CRACDL: variants seen among roughly 807,000 people sequenced by gnomAD.
CRACDL encodes CRACD-like protein.
In CRACDL, 26 loss-of-function variants were observed where a neutral mutation model predicts 70.6. The observed-to-expected ratio is 0.37, with a 90% CI of 0.27 to 0.51. The LOEUF (loss-of-function observed/expected upper bound fraction) is 0.51, where lower values mean the gene tolerates loss of function less well. Among genes scored for constraint, CRACDL ranks in the 20% least tolerant of loss-of-function variants. CRACDL has a pLI of 0.94. For missense variants in CRACDL, 1,283 were observed against 1,376.9 expected (o/e 0.93, Z 1.08); for synonymous variants, 618 against 615.2 (o/e 1.00, Z -0.07).
chr2:98,839,965 G>T (rs1361377746), intron 2 of CRACDL, among the ~76,000 whole-genome samples: 1 of 151,858 alleles, frequency 6.6e-6, no homozygotes, highest in African/African-American at 2.4e-5. Flanking sequence ...AAAAAGTTTT[G>T]CTTTGTTAAT....
At chr2:98,899,315 A>G (rs1708206279) in intron 1 of CRACDL, among the ~76,000 whole-genome samples, 1 of 152,262 alleles carries the variant, frequency 6.6e-6, no homozygotes, top group South Asian at 2.1e-4. Context: ...ACAAGTATGT[A>G]ATAAGCACCC....
intron 1 of CRACDL, among the ~76,000 whole-genome samples, chr2:98,865,217 T>A (rs1375865633): frequency 6.6e-6 from 1 of 152,078 alleles, no homozygotes; most frequent in Non-Finnish European, 1.5e-5. Context: ...TTGTTCCTTC[T>A]GCTTGAACTT....
At chr2:98,884,642 G>A (rs1707755246) in intron 1 of CRACDL, among the ~76,000 whole-genome samples, 2 of 152,198 alleles carry the variant, frequency 1.3e-5, no homozygotes, top group Non-Finnish European at 2.9e-5. Flanking sequence ...AGGTGATTAG[G>A]TAATGAGGGT....
At chr2:98,897,296 C>G (rs1187413839) in intron 1 of CRACDL, 1 of 966,272 alleles carries the variant, frequency 1.0e-6, no homozygotes, top group Non-Finnish European at 1.4e-6. Flanking sequence ...TGGTTTGTTC[C>G]TTTTACCCTT....
At chr2:98,872,320 TGCACTCCA>T (rs1202137308) in intron 1 of CRACDL, among the ~76,000 whole-genome samples, 1 of 152,176 alleles carries the variant, frequency 6.6e-6, no homozygotes, top group Non-Finnish European at 1.5e-5. Context: ...ATCGCACCAC[TGCACTCCA>T]GTCTGGGTGA....
intron 1 of CRACDL, among the ~76,000 whole-genome samples, chr2:98,853,204 C>G (rs1185906845): frequency 6.6e-6 from 1 of 152,136 alleles, no homozygotes; most frequent in Non-Finnish European, 1.5e-5. Flanking sequence ...TGGAACACAG[C>G]ATAGTGTACT....
intron 7 of CRACDL, among the ~76,000 whole-genome samples, chr2:98,809,172 G>A (rs887131143): frequency 6.6e-6 from 1 of 152,142 alleles, no homozygotes; most frequent in Admixed American, 6.5e-5. Context: ...TGTCTGAGTT[G>A]GGGCGGAGAC....
Position 98,832,839 on chromosome 2 carries a change from G to A in CRACDL, c.375+23C>T, listed in dbSNP as rs202140715. ...TGGATATTTGACTTGCACACCAGGCGACATGACCAAGGAAACATTTACCTG... is the reference window on the plus strand; with the variant it reads ...TGGATATTTGACTTGCACACCAGGCAACATGACCAAGGAAACATTTACCTG... On this transcript the variant is annotated intron_variant, in intron 4 of 9. Transcript: ENST00000397899. 872 of 1,612,914 alleles carry A rather than the reference G, an allele frequency of 5.4e-4. 9 individuals are homozygous for A. In the South Asian group the frequency reaches 8.5e-3, roughly 16 times the overall value.
intron 2 of CRACDL, among the ~76,000 whole-genome samples, chr2:98,839,026 C>T (rs1233763686): frequency 6.6e-6 from 1 of 152,198 alleles, no homozygotes; most frequent in African/African-American, 2.4e-5. Context: ...ATTCCTTTCC[C>T]GGAATAGTTA....
chr2:98,862,815 C>T (rs1045688772), intron 1 of CRACDL, among the ~76,000 whole-genome samples: 1 of 151,944 alleles, frequency 6.6e-6, no homozygotes, highest in Admixed American at 6.6e-5. Flanking sequence ...GACCAACATA[C>T]ACATTGTAAG....
At chr2:98,857,965 A>C in intron 1 of CRACDL, among the ~76,000 whole-genome samples, 1 of 152,244 alleles carries the variant, frequency 6.6e-6, no homozygotes, top group East Asian at 1.9e-4. Context: ...TTCATGCAAA[A>C]TATATTCTCT....
At chr2:98,844,502 G>A (rs1448604058) in intron 2 of CRACDL, among the ~76,000 whole-genome samples, 1 of 152,074 alleles carries the variant, frequency 6.6e-6, no homozygotes, top group African/African-American at 2.4e-5. Flanking sequence ...CCATCATATT[G>A]GAGTAGGAGC....
chr2:98,845,793 A>G (rs1706231622), intron 2 of CRACDL, among the ~76,000 whole-genome samples: 2 of 152,118 alleles, frequency 1.3e-5, no homozygotes, highest in African/African-American at 4.8e-5. Context: ...ATTTTTTTTC[A>G]GGGCTCATCT....
Position 98,823,366 on chromosome 2 carries a change from CG to C in CRACDL, c.906del (p.Gly303GlufsTer196). ...CGGGCGCGTCTGGCACGGGCCCCTC[CG>C]GGTGGCGGCAAGGGCGCCGGTGGCC... Reference protein sequence around the residue: ...EPGPPAPLPPPGGARARRARL... With the variant: ...EPGPPAPLPPXGGARARRARL... On this transcript the variant is annotated frameshift_variant, in exon 7 of 10. Coordinates refer to ENST00000397899, the MANE Select transcript of CRACDL (RefSeq NM_207362.3). LOFTEE classifies it high-confidence loss of function. The surrounding 1 kb of genome is among the most constrained non-coding windows in gnomAD (Gnocchi z 4.0). The C allele has an allele frequency of 6.5e-7, 1 of 1,529,340 alleles. No homozygotes were observed. The highest frequency in any genetic ancestry group is 8.7e-7 in the Non-Finnish European group (1 of 1,145,400). 94.7% of individuals were successfully genotyped at this position (1,529,340 alleles called of 1,614,324 possible). A position where few individuals can be genotyped will look rare whatever the true frequency, so the allele number is the denominator to read the frequency against.
chr2:98,861,142 TAGG>T (rs1047007417), intron 1 of CRACDL, among the ~76,000 whole-genome samples: 3 of 151,996 alleles, frequency 2.0e-5, no homozygotes, highest in African/African-American at 7.3e-5. Context: ...AGGTCAGGAG[TAGG>T]AGACCAGTCT....
intron 1 of CRACDL, among the ~76,000 whole-genome samples, chr2:98,881,675 C>T (rs1435910946): frequency 6.6e-6 from 1 of 152,206 alleles, no homozygotes; most frequent in African/African-American, 2.4e-5. Flanking sequence ...AAATGGGGCT[C>T]ACCCACAAGG....
intron 1 of CRACDL, among the ~76,000 whole-genome samples, chr2:98,862,712 A>G (rs746419235): frequency 1.7e-4 from 26 of 152,214 alleles, no homozygotes; most frequent in South Asian, 4.1e-4. Context: ...ACTTGAAGAT[A>G]TAACAATGGA....
intron 1 of CRACDL, among the ~76,000 whole-genome samples, chr2:98,861,103 T>C (rs1048272817): frequency 6.6e-6 from 1 of 152,120 alleles, no homozygotes; most frequent in Non-Finnish European, 1.5e-5. Context: ...TCCCAGCACT[T>C]TGGGAGGCCA....
At chr2:98,860,153 C>A (rs1706883055) in intron 1 of CRACDL, among the ~76,000 whole-genome samples, 1 of 152,000 alleles carries the variant, frequency 6.6e-6, no homozygotes, top group African/African-American at 2.4e-5. Context: ...TTAAAGAAGA[C>A]ATAAATAGAT....
Sources: allele counts gnomAD v4.1 joint callset (sites outside exome capture counted in the v4.1 genomes callset), GRCh38; gene constraint gnomAD v4.1.1; non-coding constraint Gnocchi (gnomAD v3.1); transcripts MANE v1.5; gene names NCBI Gene and HGNC (gene_info 2026-07-23, HGNC 2026-07-21).